The following PPP2R5E variants were observed in gnomAD, a reference collection of about 807,000 sequenced individuals.
The protein encoded by PPP2R5E is protein phosphatase 2 regulatory subunit B'epsilon, also known as serine/threonine-protein phosphatase 2A 56 kDa regulatory subunit epsilon isoform.
PPP2R5E carries 4 observed loss-of-function variants against 65.3 expected under a neutral mutation model. That is an observed-to-expected ratio of 0.06 (90% CI 0.03 to 0.14). The LOEUF (loss-of-function observed/expected upper bound fraction) is 0.14. Ranked by LOEUF, PPP2R5E falls within the 10% of genes least tolerant of loss-of-function variation. PPP2R5E has a pLI of 1.00. For synonymous variants in PPP2R5E, 183 were observed against 187.4 expected, an observed-to-expected ratio of 0.98 and a Z score of 0.19; for missense variants, 274 against 556.1, an observed-to-expected ratio of 0.49 and a Z score of 5.10.
chr14:63,404,492 G>A (rs1885955741), intron 5 of PPP2R5E, among the ~76,000 whole-genome samples: 5 of 152,266 alleles, frequency 3.3e-5, no homozygotes, highest in African/African-American at 9.6e-5. Context: ...AAAGAAACCA[G>A]AGCCAAAGGT....
chr14:63,442,229 T>C (rs1263871101), intron 3 of PPP2R5E, among the ~76,000 whole-genome samples: 1 of 152,234 alleles, frequency 6.6e-6, no homozygotes, highest in East Asian at 1.9e-4. Flanking sequence ...CAAGGAATTC[T>C]TTAATTTCTA....
At chr14:63,386,044 G>T (rs947186360) in intron 11 of PPP2R5E, among the ~76,000 whole-genome samples, 1 of 152,050 alleles carries the variant, frequency 6.6e-6, no homozygotes, top group Non-Finnish European at 1.5e-5. Context: ...AGTTACAGGG[G>T]AAAAGGGAAA....
At chr14:63,464,569 G>A (rs922580731) in intron 2 of PPP2R5E, among the ~76,000 whole-genome samples, 3 of 152,268 alleles carry the variant, frequency 2.0e-5, no homozygotes, top group South Asian at 4.1e-4. Flanking sequence ...AAGAAGAAAG[G>A]ACAAGTGGCT....
chr14:63,489,181 G>T lies in PPP2R5E; in HGVS notation c.158-35296C>A, dbSNP rs551473326. Among the ~76,000 whole-genome samples, 25 of 151,872 alleles carry T rather than the reference G, an allele frequency of 1.6e-4. No homozygotes were observed. The South Asian group carries it at 4.8e-3, about 29-fold the overall frequency. ...ATTTAATTACTTTTTGCATTAATTT[G>T]GGGGGGTAGTTTATTTCTGATTTTA... On this transcript the variant is annotated intron_variant, in intron 2 of 13. Transcript: ENST00000337537.
chr14:63,454,912 T>TCA (rs1450762561), intron 2 of PPP2R5E, among the ~76,000 whole-genome samples: 2 of 152,170 alleles, frequency 1.3e-5, no homozygotes, highest in South Asian at 2.1e-4. Flanking sequence ...TCTCCATTTT[T>TCA]CACACACACA....
At chr14:63,537,652 A>G (rs1440207197) in intron 2 of PPP2R5E, among the ~76,000 whole-genome samples, 2 of 152,202 alleles carry the variant, frequency 1.3e-5, no homozygotes, top group Non-Finnish European at 2.9e-5. Flanking sequence ...AATTTTGAGG[A>G]TCTTTTCCGG....
At position 63,515,644 on chromosome 14, in the gene PPP2R5E, C is replaced by T. The variant is rs142938432; in HGVS notation, c.157+23885G>A. 2.9e-3 allele frequency among the ~76,000 whole-genome samples: 445 copies of T among 151,948 alleles called. 1 individual carries two copies. The highest frequency in any genetic ancestry group is 0.01 in the African/African-American group (422 of 41,436). On this transcript the variant is annotated intron_variant, in intron 2 of 13. Transcript: ENST00000337537. ...CAAACAATTCTCCTGCCTCAGCCTC[C>T]CGAGTAGCTGGGATTACAGGTGCCT...
At chr14:63,400,191 G>A (rs924053101) in intron 5 of PPP2R5E, among the ~76,000 whole-genome samples, 7 of 152,192 alleles carry the variant, frequency 4.6e-5, no homozygotes, top group African/African-American at 1.2e-4. Flanking sequence ...GCCAGTGGGC[G>A]AGCTGTCAGG....
intron 5 of PPP2R5E, among the ~76,000 whole-genome samples, chr14:63,411,079 G>A (rs758434150): frequency 6.6e-6 from 1 of 152,202 alleles, no homozygotes; most frequent in Non-Finnish European, 1.5e-5. Context: ...AGGATCATCA[G>A]TAAACAGCAC....
intron 5 of PPP2R5E, 89 bp downstream of exon 5, chr14:63,415,051 T>C (rs1432827871): frequency 2.3e-6 from 2 of 871,596 alleles, no homozygotes; most frequent in East Asian, 2.6e-5. Context: ...ATAACTGTCA[T>C]TGCAAAACTT....
At chr14:63,491,800 T>C (rs1355489557) in intron 2 of PPP2R5E, among the ~76,000 whole-genome samples, 4 of 152,058 alleles carry the variant, frequency 2.6e-5, no homozygotes. Flanking sequence ...TGAGCAGAGA[T>C]TGCACCATTG....
intron 5 of PPP2R5E, among the ~76,000 whole-genome samples, chr14:63,409,753 CA>C (rs1243092071): frequency 2.6e-5 from 4 of 152,240 alleles, no homozygotes; most frequent in Non-Finnish European, 4.4e-5. Flanking sequence ...GTGAACTAAG[CA>C]GATTTGACAA....
Position 63,408,513 on chromosome 14 carries a change from C to T in PPP2R5E, c.549+6627G>A, listed in dbSNP as rs368163187. Among the ~76,000 whole-genome samples the T allele has an allele frequency of 3.5e-4, 53 of 152,270 alleles. No homozygotes were observed. The South Asian group carries it at 0.01, about 29-fold the overall frequency. On this transcript the variant is annotated intron_variant, in intron 5 of 13. Transcript: ENST00000337537. Reference sequence around the variant, plus strand: ...TCCATTCTACTGTTCCAAAGCCATACTGTTTTAATTAACTTACCTTTTCCT... The same window carrying T: ...TCCATTCTACTGTTCCAAAGCCATATTGTTTTAATTAACTTACCTTTTCCT...
At chr14:63,403,247 G>A (rs1410161677) in intron 5 of PPP2R5E, among the ~76,000 whole-genome samples, 1 of 152,034 alleles carries the variant, frequency 6.6e-6, no homozygotes, top group African/African-American at 2.4e-5. Context: ...GGCTAACATG[G>A]TGAAACCCTG....
intron 13 of PPP2R5E, 94 bp from the exon 14 acceptor site, chr14:63,376,202 T>C (rs1883973590): frequency 2.4e-6 from 2 of 823,808 alleles, no homozygotes; most frequent in Non-Finnish European, 3.8e-6. Flanking sequence ...CACTCCTTTA[T>C]ACTTAGCTTA....
chr14:63,484,343 T>TCACACACACACA (rs1156834992), intron 2 of PPP2R5E, among the ~76,000 whole-genome samples: 2 of 133,344 alleles, frequency 1.5e-5, no homozygotes, highest in African/African-American at 6.1e-5. Context: ...TTTCTCTCTC[T>TCACACACACACA]CTCTCACACA....
chr14:63,375,804 A>C lies in PPP2R5E; in HGVS notation c.*205T>G, dbSNP rs758882592. ...TGATTATGTTTGCAAAGTTCTGAGA[A>C]GTCCATCTACTGTCCAAACTTTGGA... On this transcript the variant is annotated 3_prime_UTR_variant, in exon 14 of 14. Transcript: ENST00000337537. 59 of 379,144 alleles carry C rather than the reference A, an allele frequency of 1.6e-4. No individual in the cohort carries two copies. In the Admixed American group the frequency reaches 2.5e-3, roughly 16 times the overall value. 23.5% of individuals were successfully genotyped at this position (379,144 alleles called of 1,614,324 possible). A position where few individuals can be genotyped will look rare whatever the true frequency, so the allele number is the denominator to read the frequency against.
intron 3 of PPP2R5E, chr14:63,453,291 A>C (rs543555189): frequency 6.4e-6 from 1 of 155,050 alleles, no homozygotes; most frequent in South Asian, 2.0e-4. Context: ...ATTAAGCATT[A>C]AGCCATTTCT....
chr14:63,479,824 G>A (rs1566733453), intron 2 of PPP2R5E, among the ~76,000 whole-genome samples: 1 of 152,186 alleles, frequency 6.6e-6, no homozygotes, highest in African/African-American at 2.4e-5. Context: ...GCAAGTGCCA[G>A]TTTTATACAT....
Sources: allele counts gnomAD v4.1 joint callset (sites outside exome capture counted in the v4.1 genomes callset), GRCh38; gene constraint gnomAD v4.1.1; transcripts MANE v1.5; gene names NCBI Gene and HGNC (gene_info 2026-07-23, HGNC 2026-07-21).